CCM2: variants seen among roughly 807,000 people sequenced by gnomAD.
CCM2 encodes the protein CCM2 scaffold protein, also known as cerebral cavernous malformations 2 protein.
CCM2 carries 25 observed loss-of-function variants against 44.9 expected under a neutral mutation model. The ratio of observed to expected loss-of-function variants is 0.56; its 90% CI spans 0.41 to 0.78. The LOEUF (loss-of-function observed/expected upper bound fraction) is 0.78, where lower values mean the gene tolerates loss of function less well. Ranked by LOEUF, CCM2 falls within the 30% of genes least tolerant of loss-of-function variation. CCM2 has a pLI of 0.00. For synonymous variants in CCM2, 219 were observed against 241.1 expected, an observed-to-expected ratio of 0.91 and a Z score of 0.85; for missense variants, 481 against 580.6, an observed-to-expected ratio of 0.83 and a Z score of 1.76.
chr7:45,076,260 G>C lies in CCM2; in HGVS notation c.*203G>C, dbSNP rs781581333. ...CACGAGCCTCAGTGCGGGGTGGAAGGCTCTTTGCCTTGTCCACCAGGGCTC... is the reference window on the plus strand; with the variant it reads ...CACGAGCCTCAGTGCGGGGTGGAAGCCTCTTTGCCTTGTCCACCAGGGCTC... On this transcript the variant is annotated 3_prime_UTR_variant, in exon 10 of 10. Coordinates refer to ENST00000258781, the MANE Select transcript of CCM2 (RefSeq NM_031443.4). The C allele has an allele frequency of 2.6e-6, 2 of 766,522 alleles. No individual in the cohort carries two copies. Among genetic ancestry groups the C allele is most frequent in the Non-Finnish European group, 2.2e-6 (1 of 448,468 alleles). 47.5% of individuals were successfully genotyped at this position (766,522 alleles called of 1,614,324 possible).
At chr7:45,038,848 CTCAAAG>C (rs1395932327) in intron 2 of CCM2, among the ~76,000 whole-genome samples, 1 of 152,236 alleles carries the variant, frequency 6.6e-6, no homozygotes, top group East Asian at 1.9e-4. Context: ...ATCATTGGGT[CTCAAAG>C]GCCTGAGGCC....
intron 1 of CCM2, among the ~76,000 whole-genome samples, chr7:45,012,823 G>A (rs1028043499): frequency 6.6e-5 from 10 of 152,006 alleles, no homozygotes; most frequent in African/African-American, 2.4e-4. Context: ...TGGGGTTACG[G>A]CCTTGAGCCA....
chr7:45,004,472 A>G (rs959094813), intron 1 of CCM2, among the ~76,000 whole-genome samples: 1 of 152,216 alleles, frequency 6.6e-6, no homozygotes, highest in African/African-American at 2.4e-5. Flanking sequence ...CCTCTAGGTT[A>G]CAGGCCCTGA....
intron 1 of CCM2, among the ~76,000 whole-genome samples, chr7:45,008,283 C>T (rs1163750865): frequency 6.6e-6 from 1 of 151,774 alleles, no homozygotes; most frequent in Non-Finnish European, 1.5e-5. Context: ...CATGATCCAC[C>T]CGCCTCGTCC....
intron 1 of CCM2, chr7:45,027,349 G>A (rs1796733984): frequency 2.7e-6 from 1 of 371,790 alleles, no homozygotes; most frequent in Middle Eastern, 9.2e-4. Flanking sequence ...CTGTCTGCTT[G>A]TTTAGCTTTG....
intron 1 of CCM2, among the ~76,000 whole-genome samples, chr7:45,031,438 G>A (rs370761214): frequency 9.2e-5 from 14 of 151,816 alleles, no homozygotes; most frequent in South Asian, 4.2e-4. Flanking sequence ...GGAGTGCAGC[G>A]GGCAGTCATA....
chr7:45,024,794 T>A (rs1369896381), intron 1 of CCM2, among the ~76,000 whole-genome samples: 1 of 152,226 alleles, frequency 6.6e-6, no homozygotes, highest in African/African-American at 2.4e-5. Context: ...TGCATTTTCT[T>A]ATTGGAAACC....
At chr7:45,072,147 A>G (rs1799109539) in intron 6 of CCM2, 1 of 341,612 alleles carries the variant, frequency 2.9e-6, no homozygotes, top group Non-Finnish European at 5.7e-6. Flanking sequence ...TGAAATAGCA[A>G]ATTACAGTCT....
intron 1 of CCM2, among the ~76,000 whole-genome samples, chr7:45,001,158 A>G (rs1351876505): frequency 6.6e-6 from 1 of 152,184 alleles, no homozygotes; most frequent in Non-Finnish European, 1.5e-5. Context: ...TGATTTTACT[A>G]CCCTGAACTC....
At chr7:45,061,983 C>G (rs1327286764) in intron 2 of CCM2, among the ~76,000 whole-genome samples, 1 of 152,182 alleles carries the variant, frequency 6.6e-6, no homozygotes, top group Non-Finnish European at 1.5e-5. Flanking sequence ...TGTCAGTTCC[C>G]CTTTCCTCTC....
At chr7:45,008,917 C>T (rs977140943) in intron 1 of CCM2, among the ~76,000 whole-genome samples, 1 of 152,200 alleles carries the variant, frequency 6.6e-6, no homozygotes, top group Non-Finnish European at 1.5e-5. Context: ...CTCCCCCTCT[C>T]ACTTAGTATT....
At chr7:45,050,858 A>G (rs1208565780) in intron 2 of CCM2, among the ~76,000 whole-genome samples, 6 of 152,160 alleles carry the variant, frequency 3.9e-5, no homozygotes, top group Non-Finnish European at 8.8e-5. Context: ...GAAACTGGGG[A>G]TCATGTTCCA....
intron 2 of CCM2, among the ~76,000 whole-genome samples, chr7:45,054,075 C>G (rs1440544727): frequency 6.6e-6 from 1 of 152,174 alleles, no homozygotes; most frequent in Non-Finnish European, 1.5e-5. Flanking sequence ...TTCTGTCCCC[C>G]TGGATCCAGC....
intron 1 of CCM2, among the ~76,000 whole-genome samples, chr7:45,026,632 T>G (rs1796701020): frequency 7.0e-6 from 1 of 142,814 alleles, no homozygotes; most frequent in Non-Finnish European, 1.5e-5. Flanking sequence ...AGATGGAGTC[T>G]CACTCTGTTA....
intron 7 of CCM2, 65 bp from the exon 8 acceptor site, chr7:45,073,395 C>A: frequency 9.2e-7 from 1 of 1,082,864 alleles, no homozygotes; most frequent in South Asian, 1.3e-5. Flanking sequence ...GACTAGGTTT[C>A]CTGAAACGTG....
At position 45,029,840 on chromosome 7, in the gene CCM2, T is replaced by C. The variant is rs531365311; in HGVS notation, c.31-8413T>C. Among the ~76,000 whole-genome samples the C allele has an allele frequency of 3.3e-5, 5 of 152,250 alleles. 1 individual carries two copies. The highest frequency in any genetic ancestry group is 7.3e-5 in the Non-Finnish European group (5 of 68,046). The stretch of plus-strand genomic sequence containing the variant: ...AGCCCTAGTAGGCCAGATTTAGTTT[T>C]AGTTTTTTAACTCAGAAGTACATTT... On this transcript the variant is annotated intron_variant, in intron 1 of 9. Transcript: ENST00000258781.
upstream of CCM2, chr7:44,999,844 A>AG (rs1482336715): frequency 2.4e-6 from 1 of 425,270 alleles, no homozygotes; most frequent in South Asian, 1.6e-5. Flanking sequence ...CGGAGCGAAC[A>AG]GGGGGCTGGA....
In CCM2 at chr7:45,074,373, A is replaced by G. The variant is rs1379813273; in HGVS notation, c.1019A>G (p.Gln340Arg). 1 of 1,613,628 alleles carries G rather than the reference A, an allele frequency of 6.2e-7. No individual in the cohort carries two copies. The highest frequency in any genetic ancestry group is 8.5e-7 in the Non-Finnish European group (1 of 1,179,968). Residue 340 changes from glutamine to arginine, a missense_variant, in exon 9 of 10, where the codon CAG becomes CGG. By Grantham distance (43) the Gln-to-Arg change is conservative (BLOSUM62 1). Transcript: ENST00000258781. ...CACGAGTTCTGCATCAACCTGCGGC[A>G]GCTCTACGGGGACAGCCGCAAGTTC... ...SIHEFCINLRQLYGDSRKFLL... is the reference protein window; with the variant it reads ...SIHEFCINLRRLYGDSRKFLL...
intron 2 of CCM2, among the ~76,000 whole-genome samples, chr7:45,040,436 TAAAC>T (rs1376609170): frequency 1.3e-5 from 2 of 150,562 alleles, no homozygotes; most frequent in African/African-American, 4.9e-5. Context: ...AGAAGGTTAA[TAAAC>T]AAAAGATGAG....
Sources: allele counts gnomAD v4.1 joint callset (sites outside exome capture counted in the v4.1 genomes callset), GRCh38; gene constraint gnomAD v4.1.1; transcripts MANE v1.5; gene names NCBI Gene and HGNC (gene_info 2026-07-23, HGNC 2026-07-21).